Variants in MAP2K4 observed in about 807,000 individuals in gnomAD.
The protein encoded by MAP2K4 is dual specificity mitogen-activated protein kinase kinase 4.
A neutral mutation model predicts 48.5 loss-of-function variants in MAP2K4; 4 were observed. The ratio of observed to expected loss-of-function variants is 0.08; its 90% confidence interval spans 0.04 to 0.19. MAP2K4 has a LOEUF of 0.19. Among genes scored for constraint, MAP2K4 ranks in the 10% least tolerant of loss-of-function variants. The pLI is 1.00. For synonymous variants in MAP2K4, 166 were observed against 173.1 expected (o/e 0.96, Z 0.32); for missense variants, 258 against 493.3 (o/e 0.52, Z 4.52).
At chr17:12,066,049 C>G (rs1458509507) in intron 2 of MAP2K4, among the ~76,000 whole-genome samples, 1 of 151,902 alleles carries the variant, frequency 6.6e-6, no homozygotes, top group Non-Finnish European at 1.5e-5. Flanking sequence ...TATAGTGTAC[C>G]CCTAAGTAGC....
chr17:12,091,238 G>A (rs146609120), intron 3 of MAP2K4, among the ~76,000 whole-genome samples: 3 of 152,332 alleles, frequency 2.0e-5, no homozygotes, highest in East Asian at 3.9e-4. Flanking sequence ...GTTATAAGCT[G>A]TCAACATTTA....
chr17:12,046,478 C>G (rs1771131652), intron 1 of MAP2K4, among the ~76,000 whole-genome samples: 1 of 152,128 alleles, frequency 6.6e-6, no homozygotes, highest in Non-Finnish European at 1.5e-5. Flanking sequence ...CATGACTTGG[C>G]CAGAGAGATT....
In MAP2K4 at chr17:12,107,917, C is replaced by A. The variant is rs1972173616; in HGVS notation, c.633+8C>A. 1.3e-6 allele frequency: 2 copies of A among 1,579,090 alleles called. No individual in the cohort carries two copies. The highest frequency in any genetic ancestry group is 1.2e-5 in the South Asian group (1 of 85,192). Reference sequence around the variant, plus strand: ...GGCAAAATCACTTTAGCAGTAAGTACCTGGTCTTTAAATTATTCATTGTGT... The same window carrying A: ...GGCAAAATCACTTTAGCAGTAAGTAACTGGTCTTTAAATTATTCATTGTGT... On this transcript the variant is annotated splice_region_variant and intron_variant, in intron 5 of 10. Transcript: ENST00000353533.
chr17:12,078,779 C>T (rs1338705600), intron 2 of MAP2K4, among the ~76,000 whole-genome samples: 20 of 152,094 alleles, frequency 1.3e-4, no homozygotes, highest in Admixed American at 1.3e-3. Flanking sequence ...TGATTGACTC[C>T]AGAGTTTAAT....
At chr17:12,024,979 A>C (rs1969211043) in intron 1 of MAP2K4, among the ~76,000 whole-genome samples, 1 of 152,214 alleles carries the variant, frequency 6.6e-6, no homozygotes, top group Non-Finnish European at 1.5e-5. Flanking sequence ...TATGGTTGGC[A>C]TGTTAGAGAA....
intron 1 of MAP2K4, among the ~76,000 whole-genome samples, chr17:12,044,114 A>G (rs909358252): frequency 2.0e-5 from 3 of 152,218 alleles, no homozygotes; most frequent in Non-Finnish European, 2.9e-5. Flanking sequence ...AAGGGTTTTC[A>G]GAGCTCTGTG....
intron 8 of MAP2K4, 42 bp downstream of exon 8, chr17:12,125,413 A>T (rs1264605670): frequency 2.0e-6 from 3 of 1,521,584 alleles, no homozygotes; most frequent in Non-Finnish European, 2.7e-6. Context: ...TAGCGTAACA[A>T]TAAGAAATTT....
intron 5 of MAP2K4, among the ~76,000 whole-genome samples, chr17:12,110,060 A>G (rs566652913): frequency 4.8e-4 from 70 of 145,518 alleles, no homozygotes; most frequent in South Asian, 3.3e-3. Flanking sequence ...ATAAAAAGGG[A>G]AAAAAAAAAA....
chr17:12,051,601 T>C (rs113887649), intron 1 of MAP2K4, among the ~76,000 whole-genome samples: 3 of 152,374 alleles, frequency 2.0e-5, no homozygotes, highest in African/African-American at 7.2e-5. Context: ...ATAATGTTTT[T>C]GATCAGTTAT....
rs28921085 is a variant in MAP2K4 at position 12,133,362 on chromosome 17, G to C, written c.1040+4075G>C. ...CTCCCAGAGTGCTGGGATTACAGGCGTGAGCCACTGCGCCAGGCTGGGAAG... is the reference window on the plus strand; with the variant it reads ...CTCCCAGAGTGCTGGGATTACAGGCCTGAGCCACTGCGCCAGGCTGGGAAG... On this transcript the variant is annotated intron_variant, in intron 9 of 10. Coordinates refer to ENST00000353533, the MANE Select transcript of MAP2K4 (RefSeq NM_003010.4). Among the ~76,000 whole-genome samples the C allele has an allele frequency of 1.2e-4, 19 of 152,280 alleles. No homozygotes were observed. In the South Asian group the frequency reaches 3.7e-3, roughly 30 times the overall value.
intron 2 of MAP2K4, chr17:12,069,717 A>G (rs1437237780): frequency 6.7e-5 from 71 of 1,059,144 alleles, no homozygotes; most frequent in Non-Finnish European, 8.2e-5. Context: ...TTTCCATGGT[A>G]ACTGACAGAC....
intron 5 of MAP2K4, among the ~76,000 whole-genome samples, chr17:12,109,352 A>G (rs1972231153): frequency 6.6e-6 from 1 of 152,200 alleles, no homozygotes; most frequent in Non-Finnish European, 1.5e-5. Flanking sequence ...CTTTATATAT[A>G]TTAAGCACAC....
chr17:12,100,556 T>A (rs1290121246), intron 4 of MAP2K4, among the ~76,000 whole-genome samples: 1 of 152,232 alleles, frequency 6.6e-6, no homozygotes, highest in East Asian at 1.9e-4. Flanking sequence ...CATAAGCTTT[T>A]ATTTTCCTGG....
At chr17:12,115,785 C>T in intron 7 of MAP2K4, 1 of 740,676 alleles carries the variant, frequency 1.4e-6, no homozygotes, top group South Asian at 1.3e-5. Context: ...TTACACATGG[C>T]AAGTTCCTGC....
chr17:12,139,941 A>G, intron 10 of MAP2K4, 57 bp downstream of exon 10: 1 of 1,266,460 alleles, frequency 7.9e-7, no homozygotes, highest in South Asian at 1.8e-5. Context: ...CTCTCTTAAC[A>G]TGCTGGTTCA....
At position 12,141,413 on chromosome 17, in the gene MAP2K4, A is replaced by G. The variant is rs1973374041; in HGVS notation, c.*153A>G. The G allele has an allele frequency of 7.8e-6, 5 of 641,316 alleles. No individual in the cohort carries two copies. In the South Asian group the frequency reaches 9.1e-5, roughly 12 times the overall value. 39.7% of individuals were successfully genotyped at this position (641,316 alleles called of 1,614,324 possible). On this transcript the variant is annotated 3_prime_UTR_variant, in exon 11 of 11. Transcript: ENST00000353533. ...TCCATCATGTCTGTATACTCCTGTC[A>G]CCTAGAACGTGCATCCTTGTAATAC...
rs1357967186 is a variant in MAP2K4 at position 12,143,450 on chromosome 17, G to A, written c.*2190G>A. 3 of 232,436 alleles carry A rather than the reference G, an allele frequency of 1.3e-5. No homozygotes were observed. The highest frequency in any genetic ancestry group is 2.6e-5 in the Non-Finnish European group (3 of 117,354). 14.4% of individuals were successfully genotyped at this position (232,436 alleles called of 1,614,324 possible). The stretch of plus-strand genomic sequence containing the variant: ...ATAGTGTTCACAAACTGTGAAAATA[G>A]TGTAAGAACTGTACATTGTGAGCTC... On this transcript the variant is annotated 3_prime_UTR_variant, in exon 11 of 11. Transcript: ENST00000353533.
chr17:12,074,401 T>G (rs1970925998), intron 2 of MAP2K4, among the ~76,000 whole-genome samples: 1 of 152,184 alleles, frequency 6.6e-6, no homozygotes, highest in Non-Finnish European at 1.5e-5. Context: ...TGGAGATAGT[T>G]TGATCCTTTC....
At chr17:12,120,587 C>T (rs530309655) in intron 7 of MAP2K4, among the ~76,000 whole-genome samples, 3 of 135,160 alleles carry the variant, frequency 2.2e-5, no homozygotes, top group Non-Finnish European at 3.2e-5. Flanking sequence ...GTAATGGACT[C>T]ATTAAAGGAT....
Sources: allele counts gnomAD v4.1 joint callset (sites outside exome capture counted in the v4.1 genomes callset), GRCh38; gene constraint gnomAD v4.1.1; transcripts MANE v1.5; gene names NCBI Gene and HGNC (gene_info 2026-07-23, HGNC 2026-07-21).